Variants in NKAIN2 observed in about 807,000 individuals in gnomAD.
NKAIN2 encodes the protein sodium/potassium transporting ATPase interacting 2.
A neutral mutation model predicts 32.6 loss-of-function variants in NKAIN2; 14 were observed. That is an observed-to-expected ratio of 0.43 (90% CI 0.28 to 0.67). The LOEUF is 0.67. Ranked by LOEUF, NKAIN2 falls within the 30% of genes least tolerant of loss-of-function variation. The probability of loss-of-function intolerance (pLI) is 0.17; values close to 1 mark genes in which losing one functional copy is unlikely to be tolerated. For missense variants in NKAIN2, 198 were observed against 258.3 expected (o/e 0.77, Z 1.60); for synonymous variants, 80 against 87.2 (o/e 0.92, Z 0.46).
chr6:123,965,551 C>T (rs528520607), intron 1 of NKAIN2, among the ~76,000 whole-genome samples: 7 of 152,114 alleles, frequency 4.6e-5, no homozygotes, highest in Non-Finnish European at 1.0e-4. Context: ...TTCCTTTAAA[C>T]CCACATATGC....
At chr6:124,090,618 A>G (rs372509639) in intron 1 of NKAIN2, among the ~76,000 whole-genome samples, 3 of 152,050 alleles carry the variant, frequency 2.0e-5, no homozygotes, top group East Asian at 1.9e-4. Context: ...ATATTCAGAA[A>G]GACACTTAAC....
intron 3 of NKAIN2, among the ~76,000 whole-genome samples, chr6:124,469,709 A>G (rs1209871629): frequency 1.3e-5 from 2 of 152,194 alleles, no homozygotes; most frequent in African/African-American, 2.4e-5. Flanking sequence ...TAGATCTCAT[A>G]TATTGATCAG....
chr6:124,038,704 G>A (rs1299140458), intron 1 of NKAIN2, among the ~76,000 whole-genome samples: 1 of 151,964 alleles, frequency 6.6e-6, no homozygotes, highest in Non-Finnish European at 1.5e-5. Flanking sequence ...TATCATAACT[G>A]GCTCAAACAA....
intron 1 of NKAIN2, among the ~76,000 whole-genome samples, chr6:123,944,801 C>T (rs1776991446): frequency 6.6e-6 from 1 of 151,908 alleles, no homozygotes; most frequent in African/African-American, 2.4e-5. Flanking sequence ...ATTTCCCATT[C>T]TTTTGAAAAC....
chr6:124,145,252 AC>A (rs747905020), intron 1 of NKAIN2, among the ~76,000 whole-genome samples: 5 of 152,256 alleles, frequency 3.3e-5, no homozygotes, highest in South Asian at 4.1e-4. Flanking sequence ...CTACCACACA[AC>A]CCAACAATTA....
At chr6:124,536,533 G>A (rs1282796235) in intron 3 of NKAIN2, among the ~76,000 whole-genome samples, 2 of 151,948 alleles carry the variant, frequency 1.3e-5, no homozygotes, top group African/African-American at 4.8e-5. Flanking sequence ...TCCCTTGCCT[G>A]AATTACTTAA....
At chr6:124,229,501 CAGATAGAT>C (rs371937856) in intron 1 of NKAIN2, among the ~76,000 whole-genome samples, 102 of 142,974 alleles carry the variant, frequency 7.1e-4, no homozygotes, top group Non-Finnish European at 9.9e-4. Context: ...GATAGATAGA[CAGATAGAT>C]AGATAGATAG....
intron 3 of NKAIN2, among the ~76,000 whole-genome samples, chr6:124,614,694 C>CCT (rs1397040660): frequency 6.6e-6 from 1 of 151,978 alleles, no homozygotes; most frequent in Non-Finnish European, 1.5e-5. Flanking sequence ...CAAAGACCCC[C>CCT]CCAATTTCTT....
intron 2 of NKAIN2, among the ~76,000 whole-genome samples, chr6:124,301,833 C>T (rs1417716385): frequency 6.6e-6 from 1 of 152,214 alleles, no homozygotes; most frequent in East Asian, 1.9e-4. Flanking sequence ...TTTGATTTTA[C>T]AGGCTCATAG....
chr6:124,306,593 T>A (rs746997306), intron 2 of NKAIN2, among the ~76,000 whole-genome samples: 1 of 152,164 alleles, frequency 6.6e-6, no homozygotes, highest in African/African-American at 2.4e-5. Flanking sequence ...GAAGTTTATA[T>A]GCTGAGGTCT....
At chr6:123,831,649 G>GTTTTTTTTT (rs200958969) in intron 1 of NKAIN2, among the ~76,000 whole-genome samples, 1 of 140,266 alleles carries the variant, frequency 7.1e-6, no homozygotes, top group Non-Finnish European at 1.5e-5. Flanking sequence ...CTTTGTTACA[G>GTTTTTTTTT]TTTTTTTTTT....
At chr6:123,888,112 A>G (rs1773815164) in intron 1 of NKAIN2, among the ~76,000 whole-genome samples, 2 of 152,178 alleles carry the variant, frequency 1.3e-5, no homozygotes, top group Non-Finnish European at 2.9e-5. Flanking sequence ...GCTCTTTAAA[A>G]TATAAATATC....
chr6:124,236,622 G>A (rs1249033152), intron 1 of NKAIN2, among the ~76,000 whole-genome samples: 1 of 152,180 alleles, frequency 6.6e-6, no homozygotes, highest in African/African-American at 2.4e-5. Flanking sequence ...AAATCTGAAT[G>A]CTCAGAGTGA....
chr6:123,867,310 C>G (rs982599986), intron 1 of NKAIN2, among the ~76,000 whole-genome samples: 1 of 152,150 alleles, frequency 6.6e-6, no homozygotes, highest in Admixed American at 6.5e-5. Context: ...GTACATGTTC[C>G]TCAGCAGAGT....
intron 5 of NKAIN2, among the ~76,000 whole-genome samples, chr6:124,816,215 A>G (rs965140936): frequency 6.6e-6 from 1 of 152,206 alleles, no homozygotes; most frequent in Non-Finnish European, 1.5e-5. Context: ...GTCCAGTGAC[A>G]TGACATTCTG....
At chr6:124,061,074 T>G (rs1334523841) in intron 1 of NKAIN2, among the ~76,000 whole-genome samples, 1 of 152,168 alleles carries the variant, frequency 6.6e-6, no homozygotes, top group Non-Finnish European at 1.5e-5. Flanking sequence ...GGCTCCAATC[T>G]CTGAGAGACA....
At chr6:124,030,571 G>A (rs1293742066) in intron 1 of NKAIN2, among the ~76,000 whole-genome samples, 1 of 152,126 alleles carries the variant, frequency 6.6e-6, no homozygotes, top group Non-Finnish European at 1.5e-5. Flanking sequence ...ATGATTTAAA[G>A]TATTTACAGT....
At chr6:124,356,036 T>C (rs1347964458) in intron 3 of NKAIN2, among the ~76,000 whole-genome samples, 1 of 152,170 alleles carries the variant, frequency 6.6e-6, no homozygotes, top group Admixed American at 6.5e-5. Flanking sequence ...TAGTAGCAAA[T>C]TCTGACTCTT....
chr6:124,726,551 A>T (rs1290775714), intron 4 of NKAIN2, among the ~76,000 whole-genome samples: 1 of 150,412 alleles, frequency 6.6e-6, no homozygotes, highest in Admixed American at 6.6e-5. Flanking sequence ...CCAAAAACCC[A>T]TCTGTACATC....
Sources: allele counts gnomAD v4.1 joint callset (sites outside exome capture counted in the v4.1 genomes callset), GRCh38; gene constraint gnomAD v4.1.1; transcripts MANE v1.5; gene names NCBI Gene and HGNC (gene_info 2026-07-23, HGNC 2026-07-21).